The following CHL1 variants were observed in gnomAD, a reference collection of about 807,000 sequenced individuals.
CHL1 encodes the protein cell adhesion molecule L1 like.
Under a neutral mutation model 141.9 loss-of-function variants are expected in CHL1, and 96 were observed. That is an observed-to-expected ratio of 0.68 (90% CI 0.57 to 0.80). The LOEUF (loss-of-function observed/expected upper bound fraction) is 0.80. Among genes scored for constraint, CHL1 ranks in the 30% least tolerant of loss-of-function variants. CHL1 has a pLI of 0.00. For synonymous variants in CHL1, 613 were observed against 502.2 expected (o/e 1.22, Z -2.95); for missense variants, 1,820 against 1,457.2 (o/e 1.25, Z -4.05).
chr3:391,579 G>A (rs559445916), intron 22 of CHL1, 96 bp from the exon 23 acceptor site: 2 of 799,800 alleles, frequency 2.5e-6, no homozygotes, highest in South Asian at 3.3e-5. Context: ...CTTCAGATGA[G>A]TTTGCTTGTC....
intron 3 of CHL1, among the ~76,000 whole-genome samples, chr3:325,262 A>G (rs1410528117): frequency 6.6e-6 from 1 of 151,862 alleles, no homozygotes; most frequent in East Asian, 1.9e-4. Flanking sequence ...GTTAGCATTC[A>G]CTGGTGGCAA....
intron 24 of CHL1, among the ~76,000 whole-genome samples, chr3:395,981 C>T (rs1708634390): frequency 6.6e-6 from 1 of 152,104 alleles, no homozygotes; most frequent in African/African-American, 2.4e-5. Context: ...ATGCTCTGAC[C>T]TTTAATATTG....
At chr3:253,297 TG>T (rs562767946) in intron 2 of CHL1, among the ~76,000 whole-genome samples, 9 of 152,272 alleles carry the variant, frequency 5.9e-5, no homozygotes, top group African/African-American at 2.2e-4. Flanking sequence ...TTATAGAGGA[TG>T]GGACAGTTAA....
chr3:381,215 G>A (rs918223945), intron 16 of CHL1, among the ~76,000 whole-genome samples: 2 of 152,132 alleles, frequency 1.3e-5, no homozygotes, highest in Non-Finnish European at 2.9e-5. Context: ...CCATTGGGGA[G>A]GACATGTGGA....
chr3:388,333 A>G (rs1302788944), intron 19 of CHL1, among the ~76,000 whole-genome samples: 1 of 151,888 alleles, frequency 6.6e-6, no homozygotes, highest in Non-Finnish European at 1.5e-5. Context: ...GGATCACCTG[A>G]GGTTGGGAGT....
At chr3:397,929 A>T (rs1431756147) in intron 24 of CHL1, among the ~76,000 whole-genome samples, 1 of 152,192 alleles carries the variant, frequency 6.6e-6, no homozygotes, top group Non-Finnish European at 1.5e-5. Flanking sequence ...AAATTGCACA[A>T]AATTATATTG....
chr3:290,596 A>T (rs980255045), intron 2 of CHL1, among the ~76,000 whole-genome samples: 1 of 152,124 alleles, frequency 6.6e-6, no homozygotes, highest in Non-Finnish European at 1.5e-5. Flanking sequence ...TTAGGATGAA[A>T]CTATGTCTTC....
chr3:332,185 G>A (rs568014424), intron 5 of CHL1, among the ~76,000 whole-genome samples: 3 of 152,206 alleles, frequency 2.0e-5, no homozygotes, highest in South Asian at 4.1e-4. Context: ...AAGTAGAATG[G>A]ATCAATGCAT....
At chr3:344,836 C>G in intron 9 of CHL1, 127 bp downstream of exon 9, 1 of 953,088 alleles carries the variant, frequency 1.0e-6, no homozygotes, top group Non-Finnish European at 1.5e-6. Context: ...TTAAATTCTG[C>G]CGGGCACTGC....
chr3:328,132 T>A (rs535191544), intron 4 of CHL1, 35 bp from the exon 5 acceptor site: 1 of 1,529,808 alleles, frequency 6.5e-7, no homozygotes, highest in East Asian at 2.3e-5. Flanking sequence ...ATGTCATTAT[T>A]TTTCAGGATT....
At chr3:400,247 A>C (rs1368299692) in intron 26 of CHL1, among the ~76,000 whole-genome samples, 1 of 152,174 alleles carries the variant, frequency 6.6e-6, no homozygotes, top group Non-Finnish European at 1.5e-5. Flanking sequence ...TGAGAGCATA[A>C]TTTCTAGGTT....
chr3:273,370 T>C (rs1015172359), intron 2 of CHL1, among the ~76,000 whole-genome samples: 1 of 152,162 alleles, frequency 6.6e-6, no homozygotes, highest in African/African-American at 2.4e-5. Context: ...CCTGAATCAA[T>C]ATGTTTTAGT....
At chr3:275,425 C>A (rs1010317795) in intron 2 of CHL1, among the ~76,000 whole-genome samples, 1 of 152,168 alleles carries the variant, frequency 6.6e-6, no homozygotes, top group African/African-American at 2.4e-5. Flanking sequence ...TCATAATATT[C>A]TTTTCTTATT....
intron 5 of CHL1, among the ~76,000 whole-genome samples, chr3:334,218 T>A (rs764176128): frequency 2.0e-4 from 31 of 152,290 alleles, no homozygotes; most frequent in Non-Finnish European, 3.7e-4. Flanking sequence ...TTTATTTATC[T>A]TAGAGATGGG....
intron 1 of CHL1, among the ~76,000 whole-genome samples, chr3:225,780 T>G (rs62228289): frequency 6.6e-6 from 1 of 151,922 alleles, no homozygotes; most frequent in Non-Finnish European, 1.5e-5. Flanking sequence ...GAGGCTGAGG[T>G]GGGCAGATCA....
chr3:197,827 C>A (rs1266881479), intron 1 of CHL1: 1 of 454,406 alleles, frequency 2.2e-6, no homozygotes, highest in Non-Finnish European at 4.4e-6. Flanking sequence ...AGATGCCGGT[C>A]GCGGATGGTC....
At chr3:367,096 T>G (rs1477833999) in intron 15 of CHL1, among the ~76,000 whole-genome samples, 1 of 152,238 alleles carries the variant, frequency 6.6e-6, no homozygotes, top group East Asian at 1.9e-4. Flanking sequence ...GAATGGATGC[T>G]TAATAGCACT....
chr3:287,694 A>G (rs1213175862), intron 2 of CHL1, among the ~76,000 whole-genome samples: 1 of 152,324 alleles, frequency 6.6e-6, no homozygotes. Flanking sequence ...TGTGCCTTCA[A>G]GCATCAAATA....
chr3:236,611 C>A (rs1233363003), intron 1 of CHL1, among the ~76,000 whole-genome samples: 1 of 151,914 alleles, frequency 6.6e-6, no homozygotes, highest in African/African-American at 2.4e-5. Flanking sequence ...TACGATTTGC[C>A]CTCAATTTAT....
Sources: gnomAD v4.1 joint callset for allele counts (sites outside exome capture counted in the v4.1 genomes callset) on GRCh38, gnomAD v4.1.1 for gene constraint, MANE v1.5 for transcripts, NCBI Gene and HGNC (gene_info 2026-07-23, HGNC 2026-07-21) for gene names.